Variants in TRPM6 observed in about 807,000 individuals in gnomAD.
TRPM6 encodes the protein channel kinase 2.
A neutral mutation model predicts 247.6 loss-of-function variants in TRPM6; 111 were observed. That is an observed-to-expected ratio of 0.45 (90% confidence interval 0.38 to 0.52). The LOEUF is 0.52. Among genes scored for constraint, TRPM6 ranks in the 20% least tolerant of loss-of-function variants. The pLI is 0.00. For synonymous variants in TRPM6, 892 were observed against 853.8 expected, an observed-to-expected ratio of 1.04 and a Z score of -0.78; for missense variants, 2,126 against 2,421.5, an observed-to-expected ratio of 0.88 and a Z score of 2.56.
At chr9:74,831,668 G>A (rs1477773341) in intron 6 of TRPM6, among the ~76,000 whole-genome samples, 3 of 152,006 alleles carry the variant, frequency 2.0e-5, no homozygotes, top group East Asian at 1.9e-4. Context: ...ACACTCCACC[G>A]GCCAAAATGG....
In TRPM6 at chr9:74,782,782, G is replaced by A; in HGVS notation, c.2991C>T (p.Ala997=). Residue 997 remains alanine, a synonymous_variant, in exon 22 of 39, where the codon GCC becomes GCT. Coordinates refer to ENST00000360774, the MANE Select transcript of TRPM6 (RefSeq NM_017662.5). ...VLLSFGVARK[A]ILSPKEPPSW... The stretch of plus-strand genomic sequence containing the variant: ...ATGGTGGCTCTTTTGGCGAAAGGAT[G>A]GCCTTGCGTGCCACTCCAAAGCTCA... The A allele has an allele frequency of 6.2e-7, 1 of 1,614,064 alleles. No homozygotes were observed. Among genetic ancestry groups the A allele is most frequent in the Non-Finnish European group, 8.5e-7 (1 of 1,179,998 alleles).
intron 1 of TRPM6, among the ~76,000 whole-genome samples, chr9:74,859,778 A>AAT: frequency 6.6e-6 from 1 of 152,094 alleles, no homozygotes; most frequent in East Asian, 1.9e-4. Flanking sequence ...TGTCTCAAAA[A>AAT]AAAAAAAAAA....
chr9:74,823,483 G>A (rs1829204787), intron 7 of TRPM6, among the ~76,000 whole-genome samples: 1 of 152,164 alleles, frequency 6.6e-6, no homozygotes, highest in Non-Finnish European at 1.5e-5. Flanking sequence ...TCAAATGTTA[G>A]GGATGGGTCA....
At chr9:74,807,318 A>G (rs1828559264) in intron 14 of TRPM6, among the ~76,000 whole-genome samples, 1 of 152,160 alleles carries the variant, frequency 6.6e-6, no homozygotes, top group African/African-American at 2.4e-5. Context: ...ACATACCTGA[A>G]TATCCAAAGG....
chr9:74,757,453 C>A (rs1587474359), intron 27 of TRPM6, among the ~76,000 whole-genome samples: 1 of 151,316 alleles, frequency 6.6e-6, no homozygotes, highest in Non-Finnish European at 1.5e-5. Flanking sequence ...GTAATCCTAG[C>A]TACTCAGGAG....
chr9:74,880,160 G>A (rs1216684531), intron 1 of TRPM6, among the ~76,000 whole-genome samples: 1 of 151,828 alleles, frequency 6.6e-6, no homozygotes, highest in Non-Finnish European at 1.5e-5. Context: ...CAAAAATAAA[G>A]AAAAAATAAT....
chr9:74,770,283 G>GA (rs1241867269), intron 25 of TRPM6, among the ~76,000 whole-genome samples: 1 of 151,904 alleles, frequency 6.6e-6, no homozygotes, highest in Non-Finnish European at 1.5e-5. Flanking sequence ...TTTGACATCA[G>GA]AAAAAAACAT....
intron 4 of TRPM6, among the ~76,000 whole-genome samples, 175 bp downstream of exon 4, chr9:74,841,991 G>A (rs1405121784): frequency 6.6e-6 from 1 of 151,846 alleles, no homozygotes; most frequent in East Asian, 1.9e-4. Context: ...CATGCCTGTA[G>A]TCCCAGCTAC....
chr9:74,828,364 A>G (rs1029067737), intron 6 of TRPM6, among the ~76,000 whole-genome samples: 3 of 152,220 alleles, frequency 2.0e-5, no homozygotes, highest in Non-Finnish European at 2.9e-5. Context: ...AAAGAAAAAA[A>G]AAAAGTATTA....
At position 74,800,433 on chromosome 9, in the gene TRPM6, T is replaced by G; in HGVS notation, c.2059A>C (p.Asn687His). Residue 687 changes from asparagine (N) to histidine (H), a missense_variant, in exon 17 of 39, where the codon AAT (asparagine) becomes CAT (histidine). Physicochemically the swap from Asn to His is moderately conservative, Grantham distance 68. Around this residue, in one of 3 missense-constraint regions of TRPM6, gnomAD observed 1,082 missense variants for 1,307.9 expected, o/e 0.83. Coordinates refer to ENST00000360774, the MANE Select transcript of TRPM6 (RefSeq NM_017662.5). ...AACAGCGTCATGGCCATGCGCTCAT[T>G]CTGCTTGAATGCCTTCTCCAACAAG... is the stretch of plus-strand genomic sequence containing the variant. ...LDLLEKAFKQ[N>H]ERMAMTLLTY... 2 of 1,613,992 alleles carry G rather than the reference T, an allele frequency of 1.2e-6. No individual in the cohort carries two copies. Among genetic ancestry groups the G allele is most frequent in the Non-Finnish European group, 1.7e-6 (2 of 1,180,016 alleles).
chr9:74,877,684 T>C (rs890378617), intron 1 of TRPM6, among the ~76,000 whole-genome samples: 3 of 152,150 alleles, frequency 2.0e-5, no homozygotes, highest in African/African-American at 7.2e-5. Flanking sequence ...ATGCTCCATA[T>C]TGGGGTCACC....
At chr9:74,761,534 A>AC (rs1210795489) in intron 27 of TRPM6, among the ~76,000 whole-genome samples, 162 bp downstream of exon 27, 2 of 152,124 alleles carry the variant, frequency 1.3e-5, no homozygotes, top group Non-Finnish European at 2.9e-5. Context: ...ACATAGCAAG[A>AC]CCCCACCCAT....
rs775364640 is a variant in TRPM6, at chr9:74,785,938, C to T, written c.2855G>A (p.Arg952Gln). Residue 952 changes from arginine to glutamine, a missense_variant, in exon 21 of 39, where the codon CGG (arginine) becomes CAG (glutamine). Coordinates refer to ENST00000360774, the MANE Select transcript of TRPM6 (RefSeq NM_017662.5). ...ATTCACAGCAAAGAAGTCCAGGAGC[C>T]GTGAGAACCAGAATATGATGTCTAT... ...YCIDIIFWFS[R>Q]LLDFFAVNQH... 9.9e-6 allele frequency: 16 copies of T among 1,614,084 alleles called. No homozygotes were observed. The African/African-American group carries it at 1.5e-4, about 15-fold the overall frequency.
intron 11 of TRPM6, among the ~76,000 whole-genome samples, chr9:74,816,382 A>C (rs1325394403): frequency 1.3e-5 from 2 of 151,744 alleles, no homozygotes; most frequent in Non-Finnish European, 2.9e-5. Flanking sequence ...AAATAAAATA[A>C]CATAAATATA....
rs1431093718 is a variant in TRPM6, at chr9:74,723,071, CCTT to C, written c.*1539_*1541del. The C allele has an allele frequency of 6.6e-6, 1 of 152,086 alleles. No individual in the cohort carries two copies. The highest frequency in any genetic ancestry group is 1.5e-5 in the Non-Finnish European group (1 of 68,022). 9.4% of individuals were successfully genotyped at this position (152,086 alleles called of 1,614,324 possible). On this transcript the variant is annotated 3_prime_UTR_variant, in exon 39 of 39. Coordinates refer to ENST00000360774, the MANE Select transcript of TRPM6 (RefSeq NM_017662.5). The stretch of plus-strand genomic sequence containing the variant: ...AGAGGACTCCCAGCCCCACATCTCT[CCTT>C]GTGTGAAAAGCTGGTGCTTGTTCGA...
intron 25 of TRPM6, among the ~76,000 whole-genome samples, chr9:74,771,482 C>T (rs1465527256): frequency 1.3e-5 from 2 of 152,318 alleles, no homozygotes; most frequent in African/African-American, 4.8e-5. Flanking sequence ...ATTCTTATGT[C>T]TTATTAACCA....
chr9:74,785,623 T>C (rs1027889222), intron 21 of TRPM6, among the ~76,000 whole-genome samples: 2 of 152,074 alleles, frequency 1.3e-5, no homozygotes, highest in Non-Finnish European at 2.9e-5. Context: ...CCCGGGTTCG[T>C]GCTATTCTCC....
intron 15 of TRPM6, among the ~76,000 whole-genome samples, chr9:74,803,589 T>C (rs529680058): frequency 2.6e-5 from 4 of 152,290 alleles, no homozygotes; most frequent in Admixed American, 2.6e-4. Flanking sequence ...GAAGAGAGGC[T>C]AAAGTGCAAG....
chr9:74,771,165 C>CCACT (rs913814492), intron 25 of TRPM6, among the ~76,000 whole-genome samples: 4 of 152,180 alleles, frequency 2.6e-5, no homozygotes, highest in African/African-American at 9.7e-5. Context: ...CCTGCCTCGC[C>CCACT]CACTGCCTCA....
Sources: allele counts gnomAD v4.1 joint callset (sites outside exome capture counted in the v4.1 genomes callset), GRCh38; gene constraint gnomAD v4.1.1; regional missense constraint gnomAD v4.1.1; transcripts MANE v1.5; gene names NCBI Gene and HGNC (gene_info 2026-07-23, HGNC 2026-07-21).